XYLB: variants seen among roughly 807,000 people sequenced by gnomAD.
XYLB encodes xylulose kinase.
XYLB carries 62 observed loss-of-function variants against 78.7 expected under a neutral mutation model. The ratio of observed to expected loss-of-function variants is 0.79; its 90% confidence interval spans 0.64 to 0.97. XYLB has a LOEUF of 0.97. Among genes scored for constraint, XYLB ranks in the 50% least tolerant of loss-of-function variants. The pLI, the probability that XYLB is intolerant of heterozygous loss-of-function variation, is 0.00. For synonymous variants in XYLB, 245 were observed against 247.4 expected (o/e 0.99, Z 0.09); for missense variants, 687 against 676.8 (o/e 1.02, Z -0.17).
At chr3:38,358,423 C>A (rs1168393842) in intron 2 of XYLB, among the ~76,000 whole-genome samples, 1 of 145,322 alleles carries the variant, frequency 6.9e-6, no homozygotes, top group South Asian at 2.3e-4. Context: ...CAGCTCATTG[C>A]ATCCTCCGCC....
At chr3:38,375,356 G>A in intron 12 of XYLB, 97 bp downstream of exon 12, 1 of 1,042,174 alleles carries the variant, frequency 9.6e-7, no homozygotes, top group Non-Finnish European at 1.4e-6. Flanking sequence ...ACTAAGCTCT[G>A]GAATGACTCC....
chr3:38,372,417 A>C, intron 9 of XYLB: 7 of 985,262 alleles, frequency 7.1e-6, no homozygotes, highest in Non-Finnish European at 8.4e-6. Context: ...GCAGTTTTTG[A>C]AATGACCTCA....
At chr3:38,354,326 C>A (rs557150731) in intron 2 of XYLB, among the ~76,000 whole-genome samples, 1 of 152,152 alleles carries the variant, frequency 6.6e-6, no homozygotes, top group South Asian at 2.1e-4. Flanking sequence ...CCTTGGCCTC[C>A]TGAAGTGCTG....
chr3:38,400,953 C>A lies in XYLB; in HGVS notation c.1501C>A (p.Leu501Ile). The change falls in exon 18 of 19, where the codon CTA becomes ATA. Residue 501 changes from leucine (L) to isoleucine (I), a missense_variant. Coordinates refer to ENST00000207870, the MANE Select transcript of XYLB (RefSeq NM_005108.4). ...EVVKLAPNPR[L>I]AATPSPGASQ... ...TGTGAAGTTAGCTCCAAATCCCAGA[C>A]TAGCTGCTACCCCAAGCCCGGGAGC... The A allele has an allele frequency of 6.2e-7, 1 of 1,614,202 alleles. No individual in the cohort carries two copies. Among genetic ancestry groups the A allele is most frequent in the Non-Finnish European group, 8.5e-7 (1 of 1,180,028 alleles).
chr3:38,398,162 A>G (rs988794013), intron 17 of XYLB, among the ~76,000 whole-genome samples: 3 of 151,870 alleles, frequency 2.0e-5, no homozygotes, highest in African/African-American at 7.2e-5. Context: ...ATCAGGCAAC[A>G]TATCCTTCTC....
chr3:38,364,917 A>G (rs1168426549), intron 4 of XYLB, among the ~76,000 whole-genome samples: 1 of 152,272 alleles, frequency 6.6e-6, no homozygotes, highest in Admixed American at 6.5e-5. Flanking sequence ...TATTACAAGC[A>G]ATGTCTTTAA....
chr3:38,368,573 G>A (rs186720720), intron 8 of XYLB, among the ~76,000 whole-genome samples: 14 of 152,328 alleles, frequency 9.2e-5, no homozygotes, highest in African/African-American at 3.1e-4. Flanking sequence ...GCAGTCATCT[G>A]AAGGGTTGAC....
At chr3:38,430,695 G>A in the XYLB span, among the ~76,000 whole-genome samples, 11 of 152,122 alleles carry the variant, frequency 7.2e-5, no homozygotes, top group African/African-American at 2.2e-4. Context: ...TAGGTCTAAC[G>A]TTTAAGTCTT....
chr3:38,381,762 A>G (rs1199674989), intron 15 of XYLB, among the ~76,000 whole-genome samples: 1 of 152,190 alleles, frequency 6.6e-6, no homozygotes, highest in Non-Finnish European at 1.5e-5. Context: ...TTTTGGTCAG[A>G]CTGGTTGATC....
chr3:38,389,776 C>T (rs1359791553), intron 15 of XYLB, among the ~76,000 whole-genome samples: 1 of 152,174 alleles, frequency 6.6e-6, no homozygotes, highest in Non-Finnish European at 1.5e-5. Flanking sequence ...CTCTGTTTTC[C>T]AGCTCTTCCC....
intron 2 of XYLB, among the ~76,000 whole-genome samples, chr3:38,349,320 A>G (rs1384774185): frequency 6.6e-6 from 1 of 152,210 alleles, no homozygotes; most frequent in African/African-American, 2.4e-5. Flanking sequence ...GTTTGTCTTT[A>G]TTCTAAAAGC....
chr3:38,378,632 G>C (rs1706988355), intron 14 of XYLB, among the ~76,000 whole-genome samples: 1 of 152,018 alleles, frequency 6.6e-6, no homozygotes. Flanking sequence ...AGAGGGAGCA[G>C]CTTGGGAACT....
intron 6 of XYLB, 150 bp from the exon 7 acceptor site, chr3:38,366,658 C>T: frequency 3.4e-6 from 2 of 593,218 alleles, no homozygotes; most frequent in Non-Finnish European, 5.9e-6. Context: ...ATTACAAGCG[C>T]ACACTACTGT....
At chr3:38,396,938 T>C (rs1707895132) in intron 16 of XYLB, 134 bp from the exon 17 acceptor site, 1 of 860,718 alleles carries the variant, frequency 1.2e-6, no homozygotes, top group Non-Finnish European at 1.9e-6. Context: ...AGCATACTCC[T>C]CTTAAGGCAG....
chr3:38,366,107 T>TA (rs1706245571), intron 6 of XYLB, among the ~76,000 whole-genome samples: 5 of 109,988 alleles, frequency 4.5e-5, no homozygotes, highest in Admixed American at 9.7e-5. Flanking sequence ...TGCCTGGCAA[T>TA]GTTAAAAAAA....
intron 2 of XYLB, among the ~76,000 whole-genome samples, chr3:38,355,115 G>A (rs1036869155): frequency 6.6e-6 from 1 of 152,222 alleles, no homozygotes; most frequent in African/African-American, 2.4e-5. Context: ...TAGAACAGGG[G>A]AAGTGGCATT....
chr3:38,416,808 T>C (rs1389608474), downstream of XYLB, among the ~76,000 whole-genome samples: 2 of 152,162 alleles, frequency 1.3e-5, no homozygotes, highest in African/African-American at 4.8e-5. Flanking sequence ...AGTTATCTGG[T>C]TTGTCAACTT....
intron 15 of XYLB, among the ~76,000 whole-genome samples, chr3:38,388,284 G>C (rs1412749633): frequency 6.6e-6 from 1 of 151,456 alleles, no homozygotes; most frequent in Admixed American, 6.6e-5. Context: ...ATTTTGGTTA[G>C]GGTACAGGAA....
At chr3:38,441,653 TC>T in the XYLB span, among the ~76,000 whole-genome samples, 3,842 of 152,242 alleles carry the variant, frequency 0.025, 171 homozygotes, top group African/African-American at 0.086. Context: ...GCCATAAACT[TC>T]CTGTGGCACC....
Sources: allele counts gnomAD v4.1 joint callset (sites outside exome capture counted in the v4.1 genomes callset), GRCh38; gene constraint gnomAD v4.1.1; transcripts MANE v1.5; gene names NCBI Gene and HGNC (gene_info 2026-07-23, HGNC 2026-07-21).